Variants in TEP1 observed in about 807,000 individuals in gnomAD.
The protein encoded by TEP1 is telomerase associated protein 1, also known as telomerase protein component 1.
TEP1 carries 241 observed loss-of-function variants against 306.3 expected under a neutral mutation model. The ratio of observed to expected loss-of-function variants is 0.79; its 90% CI spans 0.71 to 0.88. The LOEUF (loss-of-function observed/expected upper bound fraction) is 0.88. TEP1 is among the 40% of genes least tolerant of loss of function. The pLI is 0.00. For synonymous variants in TEP1, 1,289 were observed against 1,305.5 expected (o/e 0.99, Z 0.27); for missense variants, 3,051 against 3,276.1 (o/e 0.93, Z 1.68).
In TEP1 at chr14:20,378,234, G is replaced by C; in HGVS notation, c.5511C>G (p.Asp1837Glu). ...FQVDGLKVTK[D>E]LGAPGASIRT... ...GGATAGAGGCTCCGGGTGCCCCCAG[G>C]TCCTACACAGGGAGGTAGAAATGGA... Residue 1837 changes from aspartate (D) to glutamate (E), a missense_variant and splice_region_variant, in exon 39 of 55, where the codon GAC becomes GAG. Around this residue, in one of 3 missense-constraint regions of TEP1, gnomAD observed 1,540 missense variants for 1,705.9 expected, o/e 0.90. Coordinates refer to ENST00000262715, the MANE Select transcript of TEP1 (RefSeq NM_007110.5). The C allele has an allele frequency of 6.2e-7, 1 of 1,613,540 alleles. No homozygotes were observed. The highest frequency in any genetic ancestry group is 1.1e-5 in the South Asian group (1 of 91,084).
intron 35 of TEP1, among the ~76,000 whole-genome samples, chr14:20,379,648 G>C (rs1214762941): frequency 6.6e-6 from 1 of 152,044 alleles, no homozygotes; most frequent in African/African-American, 2.4e-5. Flanking sequence ...TTTTTACCTC[G>C]TATGTCTTAT....
At chr14:20,401,180 C>T in intron 8 of TEP1, 39 bp from the exon 9 acceptor site, 1 of 1,606,042 alleles carries the variant, frequency 6.2e-7, no homozygotes, top group Non-Finnish European at 8.5e-7. Context: ...ATTTCAGAGT[C>T]AGCAAGAAAA....
At chr14:20,391,959 G>A (rs1176344339) in intron 12 of TEP1, among the ~76,000 whole-genome samples, 192 bp from the exon 13 acceptor site, 1 of 152,100 alleles carries the variant, frequency 6.6e-6, no homozygotes, top group Admixed American at 6.6e-5. Flanking sequence ...CCATCCTATA[G>A]GATTCTTCTA....
intron 22 of TEP1, 30 bp from the exon 23 acceptor site, chr14:20,384,538 G>A: frequency 6.2e-7 from 1 of 1,613,970 alleles, no homozygotes; most frequent in Non-Finnish European, 8.5e-7. Context: ...AACCAGGTCA[G>A]AGCAGGCCCG....
In TEP1 at chr14:20,406,315, A is replaced by ACCT. The variant is rs781390846; in HGVS notation, c.650_652dup (p.Glu217dup). 1 of 1,613,760 alleles carries ACCT rather than the reference A, an allele frequency of 6.2e-7. No homozygotes were observed. Among genetic ancestry groups the ACCT allele is most frequent in the Admixed American group, 1.7e-5 (1 of 59,966 alleles). ...GGTGAGCTTCACGGCCAGATCCTCC[A>ACCT]CCTCCTCCTCCTCTCCCAAGCTCAG... On this transcript the variant is annotated inframe_insertion, in exon 3 of 55. Coordinates refer to ENST00000262715, the MANE Select transcript of TEP1 (RefSeq NM_007110.5).
chr14:20,381,916 C>T lies in TEP1; in HGVS notation c.4421G>A (p.Arg1474His), dbSNP rs367841250. ...GPFACLVQSL[R>H]SLLGEGPLER... ...AGCTCTGCTGGGGCACCTGTACCTG[C>T]GCAGACTCTGGACGAGGCAGGCAAA... Residue 1474 changes from arginine to histidine, a missense_variant, in exon 30 of 55, where the codon CGC (arginine) becomes CAC (histidine). Transcript: ENST00000262715. This position sits in a 1 kb window ranked among gnomAD's most constrained non-coding sequence, Gnocchi z 4.0. 8.1e-5 allele frequency: 130 copies of T among 1,613,692 alleles called. No individual in the cohort carries two copies. Among genetic ancestry groups the T allele is most frequent in the African/African-American group, 4.3e-4 (32 of 74,910 alleles).
intron 7 of TEP1, among the ~76,000 whole-genome samples, chr14:20,401,899 G>GA (rs1878789675): frequency 6.6e-6 from 1 of 152,144 alleles, no homozygotes; most frequent in Non-Finnish European, 1.5e-5. Context: ...AGGGGAAAGG[G>GA]AAAATCAGCT....
rs867630716 is a variant in TEP1, at chr14:20,413,488, C to G, written c.-108G>C. The G allele has an allele frequency of 6.6e-5, 10 of 152,492 alleles. 1 individual carries two copies. The highest frequency in any genetic ancestry group is 2.4e-4 in the African/African-American group (10 of 41,594). The allele number at this position is 152,492 out of a possible 1,614,324, so 9.4% of individuals were successfully genotyped here. On this transcript the variant is annotated 5_prime_UTR_variant, in exon 1 of 55. Transcript: ENST00000262715. Reference sequence around the variant, plus strand: ...GGAAGGGTGGCAGCCGGGGGAGGAGCCGGATGCGGATCTGAGAAGAGACGG... The same window carrying G: ...GGAAGGGTGGCAGCCGGGGGAGGAGGCGGATGCGGATCTGAGAAGAGACGG...
At chr14:20,383,685 A>G (rs1244598590) in intron 25 of TEP1, 41 bp from the exon 26 acceptor site, 1 of 1,608,054 alleles carries the variant, frequency 6.2e-7, no homozygotes, top group Non-Finnish European at 8.5e-7. Flanking sequence ...GGAGAGAAAA[A>G]AAAAGCAGGG....
At chr14:20,401,387 G>A in intron 8 of TEP1, 70 bp downstream of exon 8, 1 of 1,591,422 alleles carries the variant, frequency 6.3e-7, no homozygotes, top group Non-Finnish European at 8.6e-7. Flanking sequence ...CTACTGGGAT[G>A]GGGGCCACGG....
intron 3 of TEP1, among the ~76,000 whole-genome samples, chr14:20,405,859 C>T (rs1358509177): frequency 6.6e-6 from 1 of 151,834 alleles, no homozygotes; most frequent in Non-Finnish European, 1.5e-5. Flanking sequence ...ACTGAAGATA[C>T]AAAAATTAGC....
At chr14:20,389,391 G>C in intron 16 of TEP1, 94 bp from the exon 17 acceptor site, 2 of 1,495,054 alleles carry the variant, frequency 1.3e-6, no homozygotes, top group Non-Finnish European at 1.9e-6. Context: ...CCCCACTTCT[G>C]CACCTTTAAT....
At position 20,404,665 on chromosome 14, in the gene TEP1, G is replaced by A; in HGVS notation, c.978C>T (p.Phe326=). 1 of 1,614,210 alleles carries A rather than the reference G, an allele frequency of 6.2e-7. No homozygotes were observed. Residue 326 remains phenylalanine, a synonymous_variant, in exon 5 of 55, where the codon TTC becomes TTT. Coordinates refer to ENST00000262715, the MANE Select transcript of TEP1 (RefSeq NM_007110.5). ...PACRPHLRRY[F]CAIVQLPSDW... Reference sequence around the variant, plus strand: ...CAGAAGGCAGCTGGACAATGGCACAGAAATATCGTCGCAGGTGGGGGCGAC... The same window carrying A: ...CAGAAGGCAGCTGGACAATGGCACAAAAATATCGTCGCAGGTGGGGGCGAC...
In TEP1 at chr14:20,382,336, G is replaced by T. The variant is rs201990502; in HGVS notation, c.4161C>A (p.Thr1387=). 5 of 1,611,680 alleles carry T rather than the reference G, an allele frequency of 3.1e-6. No individual in the cohort carries two copies. Among genetic ancestry groups the T allele is most frequent in the Non-Finnish European group, 3.4e-6 (4 of 1,178,874 alleles). ...LYEQVSERLR[T]LPATVPLLLQ... is the part of the protein sequence containing the mutation. ...GCAGCAGGGGGACAGTGGCAGGCAG[G>T]GTCCGGAGTCTCTCAGACACCTAGG... Residue 1387 remains threonine (T), a synonymous_variant, in exon 29 of 55, where the codon ACC becomes ACA. Transcript: ENST00000262715.
chr14:20,410,109 C>CTTTGAGCAT (rs1357968494), intron 1 of TEP1, among the ~76,000 whole-genome samples: 4 of 148,012 alleles, frequency 2.7e-5, no homozygotes, highest in Admixed American at 1.4e-4. Context: ...ATATTAGGCA[C>CTTTGAGCAT]TTTGAGCATT....
rs1366700685 is a variant in TEP1 at position 20,403,861 on chromosome 14, A to T, written c.1056T>A (p.Asn352Lys). 1 of 1,614,096 alleles carries T rather than the reference A, an allele frequency of 6.2e-7. No individual in the cohort carries two copies. Among genetic ancestry groups the T allele is most frequent in the South Asian group, 1.1e-5 (1 of 91,090 alleles). The change falls in exon 6 of 55, where the codon AAT (asparagine) becomes AAA (lysine). Residue 352 changes from asparagine to lysine, a missense_variant. By Grantham distance (94) the Asn-to-Lys change is moderately conservative. Around this residue, in one of 3 missense-constraint regions of TEP1, gnomAD observed 1,507 missense variants for 1,550.5 expected, o/e 0.97. Transcript: ENST00000262715. ...GACAGGCGGGCAGGGGCACCAGCTT[A>T]TTCTTATCTCCCTCAGCCAGGCTCT... is the stretch of plus-strand genomic sequence containing the variant. ...LYQSLAEGDK[N>K]KLVPLPACLR...
chr14:20,409,709 T>C (rs968837451), intron 1 of TEP1, among the ~76,000 whole-genome samples: 4 of 152,090 alleles, frequency 2.6e-5, no homozygotes, highest in African/African-American at 9.7e-5. Context: ...TCTCTAGGGT[T>C]TTCTCATTTA....
At chr14:20,413,020 C>G (rs1226219879) in intron 1 of TEP1, among the ~76,000 whole-genome samples, 1 of 152,044 alleles carries the variant, frequency 6.6e-6, no homozygotes, top group Non-Finnish European at 1.5e-5. Context: ...GTCTGGGTTT[C>G]TATTATCACA....
At chr14:20,407,508 T>C (rs1017108614) in intron 2 of TEP1, among the ~76,000 whole-genome samples, 5 of 152,170 alleles carry the variant, frequency 3.3e-5, no homozygotes, top group Non-Finnish European at 7.3e-5. Context: ...ACCTGGCTAA[T>C]TTTTGTATTT....
Sources: gnomAD v4.1 joint callset for allele counts (sites outside exome capture counted in the v4.1 genomes callset) on GRCh38, gnomAD v4.1.1 for gene constraint, gnomAD v4.1.1 regional missense constraint, Gnocchi (gnomAD v3.1) non-coding constraint, MANE v1.5 for transcripts, NCBI Gene and HGNC (gene_info 2026-07-23, HGNC 2026-07-21) for gene names.